Variants in WWOX observed in about 807,000 individuals in gnomAD.
The protein encoded by WWOX is WW domain containing oxidoreductase.
In WWOX, 69 loss-of-function variants were observed where a neutral mutation model predicts 46.2. The ratio of observed to expected loss-of-function variants is 1.49; its 90% CI spans 1.23 to 1.82. The LOEUF is 1.82. Among genes scored for constraint, WWOX ranks in the 40% most tolerant of loss-of-function variants. The pLI is 0.00. For synonymous variants in WWOX, 359 were observed against 202.6 expected (o/e 1.77, Z -6.56); for missense variants, 919 against 542.6 (o/e 1.69, Z -6.89).
intron 8 of WWOX, among the ~76,000 whole-genome samples, chr16:79,058,117 A>AC (rs2048296920): frequency 3.4e-5 from 3 of 88,436 alleles, no homozygotes; most frequent in Admixed American, 1.1e-4. Context: ...AAAAAAAAAA[A>AC]AAACAAACAA....
Position 78,767,482 on chromosome 16 carries a change from C to G in WWOX, c.1056+334730C>G, listed in dbSNP as rs13331484. Among the ~76,000 whole-genome samples, 343 of 143,130 alleles carry G rather than the reference C, an allele frequency of 2.4e-3. 3 individuals are homozygous for G. Among genetic ancestry groups the G allele is most frequent in the African/African-American group, 9.3e-3 (331 of 35,542 alleles). The allele number at this position is 143,130 out of a possible 152,430, so 93.9% of individuals were successfully genotyped here. On this transcript the variant is annotated intron_variant, in intron 8 of 8. Transcript: ENST00000566780. ...TGTTTCTGTGTGAGTGTGTGTGTGTCTGTGTGTGTGTGTGTGTGTGTGTGT... is the reference window on the plus strand; with the variant it reads ...TGTTTCTGTGTGAGTGTGTGTGTGTGTGTGTGTGTGTGTGTGTGTGTGTGT...
At chr16:79,060,723 T>A (rs2048343499) in intron 8 of WWOX, among the ~76,000 whole-genome samples, 1 of 152,246 alleles carries the variant, frequency 6.6e-6, no homozygotes, top group African/African-American at 2.4e-5. Flanking sequence ...GAGGCCATTG[T>A]CACTGTATGG....
chr16:79,006,614 T>G (rs552870644), intron 8 of WWOX, among the ~76,000 whole-genome samples: 40 of 152,230 alleles, frequency 2.6e-4, no homozygotes, highest in Non-Finnish European at 5.3e-4. Context: ...CTTAAAAACC[T>G]AAATGTATTA....
chr16:78,760,999 A>G (rs2049778749), intron 8 of WWOX, among the ~76,000 whole-genome samples: 2 of 152,156 alleles, frequency 1.3e-5, no homozygotes. Flanking sequence ...TATCATGAGC[A>G]TAGCACAGGA....
At chr16:78,513,490 T>C (rs893901394) in intron 8 of WWOX, among the ~76,000 whole-genome samples, 2 of 152,218 alleles carry the variant, frequency 1.3e-5, no homozygotes. Flanking sequence ...GCTTTTCATG[T>C]ATCTTACTGT....
At chr16:78,764,833 G>C (rs1024858871) in intron 8 of WWOX, among the ~76,000 whole-genome samples, 1 of 151,814 alleles carries the variant, frequency 6.6e-6, no homozygotes, top group African/African-American at 2.4e-5. Context: ...TGATATTGTT[G>C]CTCATAGCAA....
intron 8 of WWOX, among the ~76,000 whole-genome samples, chr16:79,051,744 T>G (rs1463638930): frequency 6.6e-6 from 1 of 152,222 alleles, no homozygotes; most frequent in African/African-American, 2.4e-5. Context: ...CCCATCTAAT[T>G]AGGAATAAAT....
At chr16:79,091,072 G>A (rs1053422908) in intron 8 of WWOX, among the ~76,000 whole-genome samples, 26 of 152,274 alleles carry the variant, frequency 1.7e-4, no homozygotes, top group African/African-American at 6.0e-4. Flanking sequence ...ATAGGCACAA[G>A]CCACCGCTCC....
intron 8 of WWOX, among the ~76,000 whole-genome samples, chr16:78,947,198 A>AGGGTT (rs2045966223): frequency 6.6e-6 from 1 of 152,154 alleles, no homozygotes; most frequent in South Asian, 2.1e-4. Flanking sequence ...TAACAATGAA[A>AGGGTT]TAAATTAGGA....
chr16:79,196,434 G>C (rs1022954021), intron 8 of WWOX: 1 of 151,662 alleles, frequency 6.6e-6, no homozygotes, highest in African/African-American at 2.4e-5. Flanking sequence ...CATGTGCTCT[G>C]TGTGCTGGAA....
At chr16:78,375,939 A>C (rs2081812968) in intron 5 of WWOX, among the ~76,000 whole-genome samples, 1 of 148,420 alleles carries the variant, frequency 6.7e-6, no homozygotes, top group Non-Finnish European at 1.5e-5. Flanking sequence ...GCAACTCCGC[A>C]TCCTGGTTTC....
At chr16:78,736,795 CACTG>C (rs2049102570) in intron 8 of WWOX, among the ~76,000 whole-genome samples, 1 of 152,080 alleles carries the variant, frequency 6.6e-6, no homozygotes, top group South Asian at 2.1e-4. Flanking sequence ...TTTTTTTAGA[CACTG>C]AGTCTCACCG....
chr16:78,735,900 C>T lies in WWOX; in HGVS notation c.1056+303148C>T, dbSNP rs554010336. 1.3e-4 allele frequency among the ~76,000 whole-genome samples: 20 copies of T among 152,284 alleles called. No individual in the cohort carries two copies. In the East Asian group the frequency reaches 3.3e-3, roughly 25 times the overall value. On this transcript the variant is annotated intron_variant, in intron 8 of 8. Transcript: ENST00000566780. ...AGTCCCTTCTTGTCTATCCAGAAAC[C>T]GTATACCCAGTGTTCTCTTTCTCTC... is the stretch of plus-strand genomic sequence containing the variant.
In WWOX at chr16:78,438,140, C is replaced by A. The variant is rs189433628; in HGVS notation, c.1056+5388C>A. Among the ~76,000 whole-genome samples, 542 of 152,232 alleles carry A rather than the reference C, an allele frequency of 3.6e-3. 5 individuals carry two copies. The highest frequency in any genetic ancestry group is 0.013 in the African/African-American group (521 of 41,534). Reference sequence around the variant, plus strand: ...TGCAGATTGACCATTTTCCCAGATACCACGATGCTTTATGTATCAGCATAT... The same window carrying A: ...TGCAGATTGACCATTTTCCCAGATAACACGATGCTTTATGTATCAGCATAT... On this transcript the variant is annotated intron_variant, in intron 8 of 8. Transcript: ENST00000566780.
chr16:78,571,553 A>G (rs1411941724), intron 8 of WWOX, among the ~76,000 whole-genome samples: 1 of 152,184 alleles, frequency 6.6e-6, no homozygotes, highest in African/African-American at 2.4e-5. Flanking sequence ...TATCGAAAGG[A>G]TGTTCAAACT....
At chr16:78,992,850 C>G (rs1239532814) in intron 8 of WWOX, among the ~76,000 whole-genome samples, 1 of 152,024 alleles carries the variant, frequency 6.6e-6, no homozygotes, top group Non-Finnish European at 1.5e-5. Flanking sequence ...CCCAAACCTT[C>G]TAAGTAGGCA....
intron 5 of WWOX, among the ~76,000 whole-genome samples, chr16:78,274,150 C>A (rs1361359416): frequency 6.6e-6 from 1 of 152,152 alleles, no homozygotes; most frequent in Non-Finnish European, 1.5e-5. Context: ...TCCCCAAACA[C>A]TGCTTGCTTT....
rs562255608 is a variant in WWOX at position 78,222,675 on chromosome 16, C to G, written c.516+58386C>G. On this transcript the variant is annotated intron_variant, in intron 5 of 8. Transcript: ENST00000566780. Reference sequence around the variant, plus strand: ...CCCTGGCGAGGCTGGCCCATTGTTACAAGAGGAAATTGTGATGTTCAGCAG... The same window carrying G: ...CCCTGGCGAGGCTGGCCCATTGTTAGAAGAGGAAATTGTGATGTTCAGCAG... 6.6e-4 allele frequency among the ~76,000 whole-genome samples: 100 copies of G among 152,248 alleles called. 1 individual carries two copies. Among genetic ancestry groups the G allele is most frequent in the African/African-American group, 2.4e-3 (98 of 41,552 alleles).
At chr16:78,515,032 C>A (rs972388453) in intron 8 of WWOX, among the ~76,000 whole-genome samples, 1 of 152,048 alleles carries the variant, frequency 6.6e-6, no homozygotes, top group Non-Finnish European at 1.5e-5. Context: ...CCAGTCTGGC[C>A]AGTGTGGCAA....
Sources: gnomAD v4.1 joint callset for allele counts (sites outside exome capture counted in the v4.1 genomes callset) on GRCh38, gnomAD v4.1.1 for gene constraint, MANE v1.5 for transcripts, NCBI Gene and HGNC (gene_info 2026-07-23, HGNC 2026-07-21) for gene names.